Variants in TTN observed in about 807,000 individuals in gnomAD.
The protein encoded by TTN is connectin.
TTN carries 1,525 observed loss-of-function variants against 3,223.0 expected under a neutral mutation model. The ratio of observed to expected loss-of-function variants is 0.47; its 90% CI spans 0.45 to 0.49. TTN has a LOEUF of 0.49. TTN is among the 20% of genes least tolerant of loss of function. The pLI is 0.00. For missense variants in TTN, 40,786 were observed against 43,424.0 expected, an observed-to-expected ratio of 0.94 and a Z score of 5.40; for synonymous variants, 14,094 against 15,161.0, an observed-to-expected ratio of 0.93 and a Z score of 5.17.
At chr2:178,680,568 T>C (rs2069145268) in intron 138 of TTN, among the ~76,000 whole-genome samples, 1 of 151,954 alleles carries the variant, frequency 6.6e-6, no homozygotes, top group African/African-American at 2.4e-5. Flanking sequence ...AAATGTGAAA[T>C]GAGGTTTAGT....
At chr2:178,676,062 C>T (rs998717281) in intron 147 of TTN, 67 bp from the exon 148 acceptor site, 40 of 1,454,738 alleles carry the variant, frequency 2.7e-5, no homozygotes, top group Non-Finnish European at 3.6e-5. Flanking sequence ...CCAAGAAGAC[C>T]CCACACCCAG....
Position 178,608,062 on chromosome 2 carries a change from G to A in TTN, c.52725C>T (p.Ile17575=), listed in dbSNP as rs751888727. The A allele has an allele frequency of 6.2e-6, 10 of 1,612,420 alleles. No homozygotes were observed. In the South Asian group the frequency reaches 8.8e-5, roughly 14 times the overall value. Reference sequence around the variant, plus strand: ...TAGAGCTTGTGTCAGTGACTCTTGGGATAGGTGGCCCAGGAGGAGCTAGAA... The same window carrying A: ...TAGAGCTTGTGTCAGTGACTCTTGGAATAGGTGGCCCAGGAGGAGCTAGAA... The part of the protein sequence containing the change: ...HDPISPPGPP[I]PRVTDTSSTT... Residue 17575 remains isoleucine, a synonymous_variant, in exon 276 of 363, where the codon ATC becomes ATT. Transcript: ENST00000589042.
rs575403603 is a variant in TTN at position 178,722,381 on chromosome 2, A to G, written c.22406T>C (p.Phe7469Ser). The G allele has an allele frequency of 1.2e-6, 2 of 1,613,396 alleles. No individual in the cohort carries two copies. Among genetic ancestry groups the G allele is most frequent in the South Asian group, 2.2e-5 (2 of 91,056 alleles). The change falls in exon 77 of 363, where the codon TTT becomes TCT. Residue 7469 changes from phenylalanine (F) to serine (S), a missense_variant. Transcript: ENST00000589042. ...TTTTAAAGTTGCCACATTATCTACA[A>G]ATGAAGTCTGTAGATTTTCATCGTC... ...LRDDENLQTSFVDNVATLKIL... is the reference protein window; with the variant it reads ...LRDDENLQTSSVDNVATLKIL...
In TTN at chr2:178,750,155, T is replaced by G. The variant is rs753855902; in HGVS notation, c.11311+2969A>C. 2.5e-6 allele frequency: 4 copies of G among 1,613,056 alleles called. No individual in the cohort carries two copies. The African/African-American group carries it at 4.0e-5, about 16-fold the overall frequency. On this transcript the variant is annotated intron_variant, in intron 47 of 362. Coordinates refer to ENST00000589042, the MANE Select transcript of TTN (RefSeq NM_001267550.2). ...AACTGGTGGGTTAGTTTTTAACAAATGAAGATTTGTTTGGCCCTCTTGACT... is the reference window on the plus strand; with the variant it reads ...AACTGGTGGGTTAGTTTTTAACAAAGGAAGATTTGTTTGGCCCTCTTGACT...
At chr2:178,554,839 G>T in intron 331 of TTN, 26 bp downstream of exon 331, 1 of 1,613,370 alleles carries the variant, frequency 6.2e-7, no homozygotes, top group Non-Finnish European at 8.5e-7. Context: ...AATGTAATAT[G>T]ACAGTGGTCT....
chr2:178,654,094 C>G lies in TTN; in HGVS notation c.38382G>C (p.Val12794=). ...GGACAACTTCTTGAGCAGCTTCAGG[C>G]ACTTGAAAGATATTAGTATTTTTAT... ...PKKPEAPRAK[V]PEAAQEVVPE... The change falls in exon 194 of 363, where the codon GTG becomes GTC. Residue 12794 remains valine (V), a splice_region_variant and synonymous_variant. Coordinates refer to ENST00000589042, the MANE Select transcript of TTN (RefSeq NM_001267550.2). 1 of 1,592,884 alleles carries G rather than the reference C, an allele frequency of 6.3e-7. No homozygotes were observed. Among genetic ancestry groups the G allele is most frequent in the Non-Finnish European group, 8.5e-7 (1 of 1,178,012 alleles).
chr2:178,555,322 T>G (rs1026070418), intron 330 of TTN, 170 bp from the exon 331 acceptor site: 40 of 633,722 alleles, frequency 6.3e-5, no homozygotes, highest in Non-Finnish European at 9.0e-5. Flanking sequence ...AGGCCACTCT[T>G]CTATCTCAGA....
At position 178,591,195 on chromosome 2, in the gene TTN, C is replaced by T. The variant is rs878911746; in HGVS notation, c.60530G>A (p.Gly20177Asp). ...TVLDVPGPPT[G>D]PINILDVTPE... The stretch of plus-strand genomic sequence containing the variant: ...AGTAACATCCAGAATATTAATAGGA[C>T]CTGTTGGTGGCCCAGGAACATCAAG... Residue 20177 changes from glycine (G) to aspartate (D), a missense_variant, in exon 304 of 363, where the codon GGT becomes GAT. By Grantham distance (94) the Gly-to-Asp change is moderately conservative (BLOSUM62 -1). Transcript: ENST00000589042. 1.9e-6 allele frequency: 3 copies of T among 1,613,404 alleles called. No individual in the cohort carries two copies. Among genetic ancestry groups the T allele is most frequent in the Non-Finnish European group, 1.7e-6 (2 of 1,179,564 alleles).
In TTN at chr2:178,669,675, GC is replaced by G; in HGVS notation, c.35387-1del. On this transcript the variant is annotated splice_acceptor_variant, in intron 157 of 362. Transcript: ENST00000589042. LOFTEE classifies it high-confidence loss of function. Reference sequence around the variant, plus strand: ...GACAATTTTCTTGGGTACTTCGGGTGCTTTAAAGATATTTATTTATCTTATT... The same window carrying G: ...GACAATTTTCTTGGGTACTTCGGGTGTTTAAAGATATTTATTTATCTTATT... 1 of 1,611,434 alleles carries G rather than the reference GC, an allele frequency of 6.2e-7. No homozygotes were observed. The highest frequency in any genetic ancestry group is 8.5e-7 in the Non-Finnish European group (1 of 1,179,064).
chr2:178,564,571 G>T lies in TTN; in HGVS notation c.81561C>A (p.Val27187=), dbSNP rs923164775. The part of the protein sequence containing the change: ...PEAIVITRNN[V]TLKWKKPAYD... Reference sequence around the variant, plus strand: ...AGGCAGGTTTCTTCCATTTCAGTGTGACATTGTTTCTTGTAATAACAATGG... The same window carrying T: ...AGGCAGGTTTCTTCCATTTCAGTGTTACATTGTTTCTTGTAATAACAATGG... The change falls in exon 326 of 363, where the codon GTC becomes GTA. Residue 27187 remains valine (V), a synonymous_variant. Coordinates refer to ENST00000589042, the MANE Select transcript of TTN (RefSeq NM_001267550.2). 6 of 1,613,378 alleles carry T rather than the reference G, an allele frequency of 3.7e-6. No individual in the cohort carries two copies. The African/African-American group carries it at 8.0e-5, about 22-fold the overall frequency.
Position 178,561,426 on chromosome 2 carries a change from C to T in TTN, c.84706G>A (p.Gly28236Arg). 6.2e-7 allele frequency: 1 copy of T among 1,613,770 alleles called. No individual in the cohort carries two copies. Among genetic ancestry groups the T allele is most frequent in the Non-Finnish European group, 8.5e-7 (1 of 1,179,778 alleles). Residue 28236 changes from glycine (G) to arginine (R), a missense_variant, in exon 326 of 363, where the codon GGA (glycine) becomes AGA (arginine). Coordinates refer to ENST00000589042, the MANE Select transcript of TTN (RefSeq NM_001267550.2). ...EYRVYAENIA[G>R]IGKCSKSCEP... ...CAAGATTTACTGCATTTACCAATTCCAGCAATATTTTCAGCATATACACGA... is the reference window on the plus strand; with the variant it reads ...CAAGATTTACTGCATTTACCAATTCTAGCAATATTTTCAGCATATACACGA...
At position 178,530,010 on chromosome 2, in the gene TTN, A is replaced by G. The variant is rs988261167; in HGVS notation, c.106481T>C (p.Val35494Ala). The change falls in exon 359 of 363, where the codon GTA becomes GCA. Residue 35494 changes from valine to alanine, a missense_variant. Coordinates refer to ENST00000589042, the MANE Select transcript of TTN (RefSeq NM_001267550.2). ...GGACACAGATCCAGCTGAATTTTTTACTGTACAAGTATAAAGTCCACTGTC... is the reference window on the plus strand; with the variant it reads ...GGACACAGATCCAGCTGAATTTTTTGCTGTACAAGTATAAAGTCCACTGTC... ...TSDSGLYTCT[V>A]KNSAGSVSSS... 6.2e-7 allele frequency: 1 copy of G among 1,604,856 alleles called. No homozygotes were observed. Among genetic ancestry groups the G allele is most frequent in the Non-Finnish European group, 8.5e-7 (1 of 1,177,830 alleles).
Position 178,667,704 on chromosome 2 carries a change from C to T in TTN, c.35563G>A (p.Glu11855Lys). Residue 11855 changes from glutamate (E) to lysine (K), a missense_variant, in exon 160 of 363, where the codon GAA becomes AAA. Glu to Lys is a moderately conservative substitution (Grantham distance 56, BLOSUM62 1). Transcript: ENST00000589042. ...AGTACTTTTTCTTCTAGGACTGCTT[C>T]TTCAGATGCTTCATAAACTTTAAAG... ...TEMYIYEASE[E>K]AVLEEKVLVT... is the part of the protein sequence containing the mutation. 6.3e-7 allele frequency: 1 copy of T among 1,592,352 alleles called. No homozygotes were observed. The highest frequency in any genetic ancestry group is 8.5e-7 in the Non-Finnish European group (1 of 1,175,984).
chr2:178,640,571 T>C lies in TTN; in HGVS notation c.40693A>G (p.Arg13565Gly). 1 of 1,601,570 alleles carries C rather than the reference T, an allele frequency of 6.2e-7. No individual in the cohort carries two copies. The highest frequency in any genetic ancestry group is 8.5e-7 in the Non-Finnish European group (1 of 1,175,314). The change falls in exon 221 of 363, where the codon AGG (arginine) becomes GGG (glycine). Residue 13565 changes from arginine (R) to glycine (G), a missense_variant. Physicochemically the swap from Arg to Gly is moderately radical, Grantham distance 125. Coordinates refer to ENST00000589042, the MANE Select transcript of TTN (RefSeq NM_001267550.2). The stretch of plus-strand genomic sequence containing the variant: ...GTTGGTTCAGGAATCTTCCTTTCCC[T>C]TTTTGTAACAGTAGGTACTTCAACC... ...EEVEVPTVTK[R>G]ERKIPEPTKV...
At chr2:178,673,864 G>C (rs2067482371) in intron 151 of TTN, among the ~76,000 whole-genome samples, 154 bp from the exon 152 acceptor site, 1 of 151,724 alleles carries the variant, frequency 6.6e-6, no homozygotes, top group African/African-American at 2.4e-5. Context: ...AGGAACCCTA[G>C]AGGTGTAAAG....
At position 178,585,118 on chromosome 2, in the gene TTN, C is replaced by T; in HGVS notation, c.64626G>A (p.Glu21542=). The change falls in exon 309 of 363, where the codon GAG becomes GAA. Residue 21542 remains glutamate (E), a synonymous_variant. Coordinates refer to ENST00000589042, the MANE Select transcript of TTN (RefSeq NM_001267550.2). ...KDSGYYSLTA[E]NSSGTDTQKI... is the part of the protein sequence containing the mutation. ...TCTGAGTGTCTGTCCCAGAACTGTT[C>T]TCTGCTGTGAGGCTGTAGTAACCAC... 6.2e-7 allele frequency: 1 copy of T among 1,612,766 alleles called. No individual in the cohort carries two copies. Among genetic ancestry groups the T allele is most frequent in the Non-Finnish European group, 8.5e-7 (1 of 1,179,184 alleles).
chr2:178,740,530 A>C lies in TTN; in HGVS notation c.12703T>G (p.Ser4235Ala). 1 of 1,613,792 alleles carries C rather than the reference A, an allele frequency of 6.2e-7. No homozygotes were observed. Among genetic ancestry groups the C allele is most frequent in the Non-Finnish European group, 8.5e-7 (1 of 1,179,818 alleles). The change falls in exon 48 of 363, where the codon TCA (serine) becomes GCA (alanine). Residue 4235 changes from serine (S) to alanine (A), a missense_variant. Physicochemically the swap from Ser to Ala is moderately conservative, Grantham distance 99. Transcript: ENST00000589042. ...TCAGATACTGTCTTTTCTTTTGGTG[A>C]AAGTACTTCCTCAGCCACAGAGGTT... is the stretch of plus-strand genomic sequence containing the variant. ...YLTSVAEEVL[S>A]PKEKTVSDTN...
rs1223811231 is a variant in TTN, at chr2:178,578,896, T to C, written c.68134A>G (p.Met22712Val). The C allele has an allele frequency of 2.5e-6, 4 of 1,613,222 alleles. No homozygotes were observed. Among genetic ancestry groups the C allele is most frequent in the Non-Finnish European group, 3.4e-6 (4 of 1,179,468 alleles). ...GCACTGACCCTGAAGGTATATTCCA[T>C]GCCCTCATGAAGTCTGGTTACTCTA... ...TFRVTRLHEG[M>V]EYTFRVSAEN... The change falls in exon 320 of 363, where the codon ATG becomes GTG. Residue 22712 changes from methionine to valine, a missense_variant. By Grantham distance (21) the Met-to-Val change is conservative. Coordinates refer to ENST00000589042, the MANE Select transcript of TTN (RefSeq NM_001267550.2).
In TTN at chr2:178,528,308, G is replaced by A; in HGVS notation, c.107343C>T (p.Gly35781=). Residue 35781 remains glycine, a synonymous_variant, in exon 361 of 363, where the codon GGC becomes GGT. Transcript: ENST00000589042. The part of the protein sequence containing the change: ...KYTIKAKNFR[G]QCSATASLMV... ...TTAAGGAAGCTGTAGCTGAACACTG[G>A]CCACGGAAATTTTTGGCCTTAATTG... 1 of 1,613,908 alleles carries A rather than the reference G, an allele frequency of 6.2e-7. No individual in the cohort carries two copies.
Sources: gnomAD v4.1 joint callset for allele counts (sites outside exome capture counted in the v4.1 genomes callset) on GRCh38, gnomAD v4.1.1 for gene constraint, MANE v1.5 for transcripts, NCBI Gene and HGNC (gene_info 2026-07-23, HGNC 2026-07-21) for gene names.